CDH18: variants seen among roughly 807,000 people sequenced by gnomAD.
The protein encoded by CDH18 is cadherin-18.
CDH18 carries 31 observed loss-of-function variants against 67.9 expected under a neutral mutation model. That is an observed-to-expected ratio of 0.46 (90% CI 0.34 to 0.62). CDH18 has a LOEUF of 0.62. Among genes scored for constraint, CDH18 ranks in the 20% least tolerant of loss-of-function variants. The pLI, the probability that CDH18 is intolerant of heterozygous loss-of-function variation, is 0.01. For missense variants in CDH18, 890 were observed against 975.5 expected, an observed-to-expected ratio of 0.91 and a Z score of 1.17; for synonymous variants, 362 against 347.2, an observed-to-expected ratio of 1.04 and a Z score of -0.48.
At chr5:20,418,242 A>ATTTTTTTTATTTTTTTTTTTTT (rs1747499879) in intron 1 of CDH18, among the ~76,000 whole-genome samples, 1 of 56,934 alleles carries the variant, frequency 1.8e-5, no homozygotes, top group Non-Finnish European at 2.9e-5. Context: ...CTGCTGGCTA[A>ATTTTTTTTATTTTTTTTTTTTT]TTTTTTTTTT....
chr5:20,467,918 TTTTA>T (rs1751758813), intron 1 of CDH18, among the ~76,000 whole-genome samples: 1 of 152,044 alleles, frequency 6.6e-6, no homozygotes, highest in African/African-American at 2.4e-5. Flanking sequence ...ATTTCAAATA[TTTTA>T]TTTATTTTCT....
At chr5:19,923,272 A>T (rs927008106) in intron 2 of CDH18, among the ~76,000 whole-genome samples, 2 of 152,216 alleles carry the variant, frequency 1.3e-5, no homozygotes, top group Non-Finnish European at 1.5e-5. Flanking sequence ...CCAATTAGAC[A>T]ACCCTGAGAC....
intron 2 of CDH18, among the ~76,000 whole-genome samples, chr5:19,887,221 C>G (rs747273218): frequency 2.6e-5 from 4 of 151,216 alleles, no homozygotes; most frequent in Non-Finnish European, 4.4e-5. Flanking sequence ...TAGCTTATAC[C>G]AAAAACGTAA....
chr5:19,683,447 G>A (rs1760622909), intron 5 of CDH18, among the ~76,000 whole-genome samples: 1 of 151,996 alleles, frequency 6.6e-6, no homozygotes, highest in South Asian at 2.1e-4. Flanking sequence ...CATATTATGT[G>A]TTTGTGATTG....
At chr5:20,115,874 C>A (rs1289336972) in intron 2 of CDH18, among the ~76,000 whole-genome samples, 1 of 151,990 alleles carries the variant, frequency 6.6e-6, no homozygotes, top group Non-Finnish European at 1.5e-5. Context: ...TTTGTAGATT[C>A]CTTAGGGAAA....
chr5:19,945,923 G>A (rs1795239557), intron 2 of CDH18, among the ~76,000 whole-genome samples: 1 of 151,996 alleles, frequency 6.6e-6, no homozygotes, highest in South Asian at 2.1e-4. Flanking sequence ...AGAAAAATAA[G>A]GAGAAAGAAT....
chr5:20,256,979 T>TCTGTCTA (rs1199242556), intron 1 of CDH18, among the ~76,000 whole-genome samples: 1 of 79,646 alleles, frequency 1.3e-5, no homozygotes, highest in Non-Finnish European at 3.7e-5. Context: ...TCTATATCTA[T>TCTGTCTA]ATCTATATCT....
Position 19,790,440 on chromosome 5 carries a change from T to C in CDH18, c.229-43204A>G, listed in dbSNP as rs184846164. 1.0e-3 allele frequency among the ~76,000 whole-genome samples: 153 copies of C among 152,306 alleles called. 1 individual carries two copies. The South Asian group carries it at 0.011, about 11-fold the overall frequency. Reference sequence around the variant, plus strand: ...GTGGCATAATGATGAACGAAAGGTATATTGTATGTGCATTTAAGCGATTTA... The same window carrying C: ...GTGGCATAATGATGAACGAAAGGTACATTGTATGTGCATTTAAGCGATTTA... On this transcript the variant is annotated intron_variant, in intron 3 of 12. Coordinates refer to ENST00000382275, the MANE Select transcript of CDH18 (RefSeq NM_004934.5).
intron 1 of CDH18, among the ~76,000 whole-genome samples, chr5:20,323,767 G>A (rs779048058): frequency 9.9e-5 from 15 of 152,156 alleles, no homozygotes; most frequent in Non-Finnish European, 1.6e-4. Flanking sequence ...AGCAACTGCT[G>A]TTCTGAACAT....
At chr5:20,513,646 G>A (rs1755179754) in intron 1 of CDH18, among the ~76,000 whole-genome samples, 5 of 152,110 alleles carry the variant, frequency 3.3e-5, no homozygotes, top group Admixed American at 3.3e-4. Context: ...TACTATAAAT[G>A]TATTTATACA....
At chr5:20,229,554 C>G (rs1349528369) in intron 2 of CDH18, among the ~76,000 whole-genome samples, 1 of 152,100 alleles carries the variant, frequency 6.6e-6, no homozygotes, top group African/African-American at 2.4e-5. Context: ...GCTTTGTCCA[C>G]TAAATGCATC....
At chr5:20,501,564 TATATA>T (rs1561069282) in intron 1 of CDH18, among the ~76,000 whole-genome samples, 19 of 24,468 alleles carry the variant, frequency 7.8e-4, no homozygotes, top group Admixed American at 3.4e-3. Flanking sequence ...ATAATATATA[TATATA>T]ATATATATAT....
At chr5:19,744,581 G>T (rs1191486727) in intron 4 of CDH18, among the ~76,000 whole-genome samples, 2 of 150,176 alleles carry the variant, frequency 1.3e-5, no homozygotes, top group Admixed American at 6.7e-5. Context: ...TTTCCTCTCT[G>T]TTATTTTCCT....
At chr5:19,612,755 G>A (rs1749196880) in intron 5 of CDH18, among the ~76,000 whole-genome samples, 154 bp from the exon 6 acceptor site, 1 of 152,148 alleles carries the variant, frequency 6.6e-6, no homozygotes, top group South Asian at 2.1e-4. Flanking sequence ...ACCAATGCAT[G>A]AATACTGTCT....
chr5:19,622,269 G>A (rs1056568778), intron 5 of CDH18, among the ~76,000 whole-genome samples: 16 of 152,162 alleles, frequency 1.1e-4, no homozygotes, highest in Non-Finnish European at 2.1e-4. Flanking sequence ...AAGTTCTGAT[G>A]CCAACTGCTC....
chr5:19,791,719 T>C (rs191807133), intron 3 of CDH18, among the ~76,000 whole-genome samples: 5 of 152,300 alleles, frequency 3.3e-5, no homozygotes, highest in Non-Finnish European at 7.4e-5. Context: ...AAAGTAATTA[T>C]CTGACACAAA....
intron 2 of CDH18, among the ~76,000 whole-genome samples, chr5:20,169,431 T>C (rs961590707): frequency 6.6e-6 from 1 of 152,186 alleles, no homozygotes; most frequent in Non-Finnish European, 1.5e-5. Flanking sequence ...AATTGTATAC[T>C]GTGGACTACA....
intron 6 of CDH18, among the ~76,000 whole-genome samples, chr5:19,600,485 G>A (rs1210130485): frequency 6.7e-6 from 1 of 150,202 alleles, no homozygotes; most frequent in Non-Finnish European, 1.5e-5. Flanking sequence ...GGGTCACTAA[G>A]GGTTGTCTCT....
intron 1 of CDH18, among the ~76,000 whole-genome samples, chr5:20,492,445 C>A (rs1313624029): frequency 6.6e-6 from 1 of 152,026 alleles, no homozygotes; most frequent in Non-Finnish European, 1.5e-5. Context: ...ATTTTTTGAA[C>A]TTTCCCTAGT....
Sources: allele counts gnomAD v4.1 joint callset (sites outside exome capture counted in the v4.1 genomes callset), GRCh38; gene constraint gnomAD v4.1.1; transcripts MANE v1.5; gene names NCBI Gene and HGNC (gene_info 2026-07-23, HGNC 2026-07-21).